The following NTHL1 variants were observed in gnomAD, a reference collection of about 807,000 sequenced individuals.
NTHL1 encodes nth like DNA glycosylase 1.
Under a neutral mutation model 32.3 loss-of-function variants are expected in NTHL1, and 32 were observed. The ratio of observed to expected loss-of-function variants is 0.99; its 90% CI spans 0.75 to 1.33. The LOEUF (loss-of-function observed/expected upper bound fraction) is 1.33. NTHL1 is among the 40% of genes most tolerant of loss of function. The pLI, the probability that NTHL1 is intolerant of heterozygous loss-of-function variation, is 0.00. For synonymous variants in NTHL1, 188 were observed against 176.9 expected, an observed-to-expected ratio of 1.06 and a Z score of -0.50; for missense variants, 501 against 414.1, an observed-to-expected ratio of 1.21 and a Z score of -1.82.
Position 2,040,035 on chromosome 16 carries a change from G to A in NTHL1, c.804C>T (p.His268=), listed in dbSNP as rs1596216112. Residue 268 remains histidine (H), a synonymous_variant, in exon 6 of 6, where the codon CAC becomes CAT. Transcript: ENST00000651570. ...AGCCCACCAAGAGTCCATTGATCTC[G>A]TGCCACAGCTCCCTGTGGGGGTGGG... ...LEEWLPRELW[H]EINGLLVGFG... The A allele has an allele frequency of 3.7e-6, 6 of 1,612,338 alleles. No homozygotes were observed. The highest frequency in any genetic ancestry group is 2.2e-5 in the East Asian group (1 of 44,874).
rs1188936333 is a variant in NTHL1, at chr16:2,044,803, G to A, written c.355-3C>T. On this transcript the variant is annotated splice_polypyrimidine_tract_variant and splice_region_variant and intron_variant, in intron 2 of 5. Transcript: ENST00000651570. This position sits in a 1 kb window ranked among gnomAD's most constrained non-coding sequence, Gnocchi z 5.0. ...AGCAGCACCTGGTACCTGCGTACCT[G>A]CTTGTGCAGTGACAGGGACCGGGGT... 1 of 1,598,964 alleles carries A rather than the reference G, an allele frequency of 6.3e-7. No homozygotes were observed. Among genetic ancestry groups the A allele is most frequent in the South Asian group, 1.1e-5 (1 of 89,872 alleles).
At chr16:2,047,361 G>A (rs1054187194) in intron 1 of NTHL1, 1 of 351,066 alleles carries the variant, frequency 2.8e-6, no homozygotes, top group Non-Finnish European at 5.2e-6. Flanking sequence ...GTGTGTCCTT[G>A]GCACCCAGCC....
rs370168754 is a variant in NTHL1, at chr16:2,044,161, AG to A, written c.526-436del. The A allele has an allele frequency of 3.1e-6, 1 of 324,014 alleles. No individual in the cohort carries two copies. Among genetic ancestry groups the A allele is most frequent in the Middle Eastern group, 1.0e-3 (1 of 986 alleles). The allele number at this position is 324,014 out of a possible 1,614,324, so 20.1% of individuals were successfully genotyped here. Reference sequence around the variant, plus strand: ...GAGAGGGCTATTTAAAACCCATCTGAGAAACTGCGGCCCACGCGGGTGCCAA... The same window carrying A: ...GAGAGGGCTATTTAAAACCCATCTGAAAACTGCGGCCCACGCGGGTGCCAA... On this transcript the variant is annotated intron_variant, in intron 3 of 5. Coordinates refer to ENST00000651570, the MANE Select transcript of NTHL1 (RefSeq NM_002528.7). The surrounding 1 kb of genome is among the most constrained non-coding windows in gnomAD (Gnocchi z 5.0).
Position 2,039,867 on chromosome 16 carries a change from T to C in NTHL1, c.*57A>G. On this transcript the variant is annotated 3_prime_UTR_variant, in exon 6 of 6. Coordinates refer to ENST00000651570, the MANE Select transcript of NTHL1 (RefSeq NM_002528.7). ...TCAACAGGCGTGGCTTCCTGAAGCG[T>C]AAAGCCACTTCACAGACGGTGGCCA... 4 of 1,595,550 alleles carry C rather than the reference T, an allele frequency of 2.5e-6. No individual in the cohort carries two copies. The highest frequency in any genetic ancestry group is 3.4e-6 in the Non-Finnish European group (4 of 1,178,342).
rs370814682 is a variant in NTHL1 at position 2,047,773 on chromosome 16, G to A, written c.51C>T (p.Pro17=). 21 of 1,587,856 alleles carry A rather than the reference G, an allele frequency of 1.3e-5. No individual in the cohort carries two copies. In the Admixed American group the frequency reaches 3.2e-4, roughly 24 times the overall value. ...CCCTACACCCCCGCGGCCCAGCCCC[G>A]GGTCCCAGGCTCCGGCTCCGGGTCA... ...RMLTRSRSLG[P]GAGPRGCREE... Residue 17 remains proline, a synonymous_variant, in exon 1 of 6, where the codon CCC becomes CCT. Coordinates refer to ENST00000651570, the MANE Select transcript of NTHL1 (RefSeq NM_002528.7).
At chr16:2,042,664 C>A (rs1199983456) in intron 4 of NTHL1, among the ~76,000 whole-genome samples, 1 of 152,138 alleles carries the variant, frequency 6.6e-6, no homozygotes, top group Non-Finnish European at 1.5e-5. Flanking sequence ...GAGGAGGCAG[C>A]CCCACCCCAA....
Position 2,044,100 on chromosome 16 carries a change from A to C in NTHL1, c.526-374T>G, listed in dbSNP as rs2084307661. 5.3e-6 allele frequency: 2 copies of C among 375,088 alleles called. No homozygotes were observed. Among genetic ancestry groups the C allele is most frequent in the South Asian group, 5.1e-5 (2 of 39,442 alleles). 23.2% of individuals were successfully genotyped at this position (375,088 alleles called of 1,614,324 possible). A position where few individuals can be genotyped will look rare whatever the true frequency, so the allele number is the denominator to read the frequency against. On this transcript the variant is annotated intron_variant, in intron 3 of 5. Transcript: ENST00000651570. This position sits in a 1 kb window ranked among gnomAD's most constrained non-coding sequence, Gnocchi z 5.0. ...AGCTGGGGCTTCCCCACCAGCTGCC[A>C]GGCCTGCCGGGTGGTTCCCATCCTG...
chr16:2,045,152 C>T (rs569429845), intron 2 of NTHL1, among the ~76,000 whole-genome samples: 7 of 152,196 alleles, frequency 4.6e-5, no homozygotes, highest in Admixed American at 3.9e-4. Context: ...GCCTGATCAA[C>T]GTGGTGAAAC....
intron 2 of NTHL1, 64 bp downstream of exon 2, chr16:2,046,064 T>C (rs2084356724): frequency 1.4e-6 from 2 of 1,420,470 alleles, no homozygotes; most frequent in Admixed American, 3.4e-5. Context: ...AGCCACCGGG[T>C]AGAAAGAAAA....
intron 2 of NTHL1, among the ~76,000 whole-genome samples, chr16:2,045,346 A>C (rs1596221081): frequency 6.6e-6 from 1 of 152,002 alleles, no homozygotes; most frequent in Non-Finnish European, 1.5e-5. Flanking sequence ...TCAAAAAAAA[A>C]CCCAACACGA....
chr16:2,046,116 G>A lies in NTHL1; in HGVS notation c.354+12C>T, dbSNP rs761262779. Reference sequence around the variant, plus strand: ...ATGGGGGGTCATCTGGGCAGATGGGGCCCCTGCCTACCTTTGGGGGGGCAC... The same window carrying A: ...ATGGGGGGTCATCTGGGCAGATGGGACCCCTGCCTACCTTTGGGGGGGCAC... On this transcript the variant is annotated intron_variant, in intron 2 of 5. Transcript: ENST00000651570. 2.5e-6 allele frequency: 4 copies of A among 1,605,626 alleles called. No homozygotes were observed. Among genetic ancestry groups the A allele is most frequent in the Non-Finnish European group, 3.4e-6 (4 of 1,173,528 alleles).
rs1274425099 is a variant in NTHL1, at chr16:2,044,697, A to G, written c.458T>C (p.Val153Ala). 4 of 1,612,220 alleles carry G rather than the reference A, an allele frequency of 2.5e-6. No homozygotes were observed. In the Admixed American group the frequency reaches 6.7e-5, roughly 27 times the overall value. The change falls in exon 3 of 6, where the codon GTG (valine) becomes GCG (alanine). Residue 153 changes from valine to alanine, a missense_variant. By Grantham distance (64) the Val-to-Ala change is moderately conservative (BLOSUM62 0). Coordinates refer to ENST00000651570, the MANE Select transcript of NTHL1 (RefSeq NM_002528.7). This position sits in a 1 kb window ranked among gnomAD's most constrained non-coding sequence, Gnocchi z 5.0. ...MQRLRARGLT[V>A]DSILQTDDAT... ...ATCATCTGTCTGCAGGATGCTGTCC[A>G]CCGTCAGGCCCCGCGCCCGCAGTCG...
rs2084307289 is a variant in NTHL1 at position 2,044,076 on chromosome 16, G to A, written c.526-350C>T. The A allele has an allele frequency of 2.5e-6, 1 of 393,326 alleles. No homozygotes were observed. The highest frequency in any genetic ancestry group is 2.5e-5 in the South Asian group (1 of 39,980). The allele number at this position is 393,326 out of a possible 1,614,324, so 24.4% of individuals were successfully genotyped here. On this transcript the variant is annotated intron_variant, in intron 3 of 5. Coordinates refer to ENST00000651570, the MANE Select transcript of NTHL1 (RefSeq NM_002528.7). This position sits in a 1 kb window ranked among gnomAD's most constrained non-coding sequence, Gnocchi z 5.0. ...TGCGCCTTCAGGAAGGAGGGCTGGA[G>A]CTGGGGCTTCCCCACCAGCTGCCAG...
At position 2,043,470 on chromosome 16, in the gene NTHL1, G is replaced by A. The variant is rs1289683899; in HGVS notation, c.685+97C>T. ...TTCTGACTCTATGGGCTGGGTGGAG[G>A]ACCAGCATGCTGGAAGTGGAGTCAC... On this transcript the variant is annotated intron_variant, in intron 4 of 5. Coordinates refer to ENST00000651570, the MANE Select transcript of NTHL1 (RefSeq NM_002528.7). The surrounding 1 kb of genome is among the most constrained non-coding windows in gnomAD (Gnocchi z 4.4). 3 of 1,519,524 alleles carry A rather than the reference G, an allele frequency of 2.0e-6. No homozygotes were observed. Among genetic ancestry groups the A allele is most frequent in the Admixed American group, 1.7e-5 (1 of 58,342 alleles). 94.1% of individuals were successfully genotyped at this position (1,519,524 alleles called of 1,614,324 possible).
intron 4 of NTHL1, among the ~76,000 whole-genome samples, chr16:2,040,849 G>A (rs2084258999): frequency 6.6e-6 from 1 of 152,196 alleles, no homozygotes; most frequent in Admixed American, 6.5e-5. Flanking sequence ...ATAAGCACTG[G>A]CTCTGGGCAC....
chr16:2,044,323 G>T lies in NTHL1; in HGVS notation c.525+307C>A, dbSNP rs546909056. Among the ~76,000 whole-genome samples, 1 of 152,190 alleles carries T rather than the reference G, an allele frequency of 6.6e-6. No homozygotes were observed. The highest frequency in any genetic ancestry group is 1.5e-5 in the Non-Finnish European group (1 of 68,028). ...TCTGGACAGGAGGGGGTGACACACC[G>T]GGAGAGGCTAGCAGTAAACAAAGGG... On this transcript the variant is annotated intron_variant, in intron 3 of 5. Coordinates refer to ENST00000651570, the MANE Select transcript of NTHL1 (RefSeq NM_002528.7). This position sits in a 1 kb window ranked among gnomAD's most constrained non-coding sequence, Gnocchi z 5.0.
chr16:2,043,693 T>C lies in NTHL1; in HGVS notation c.559A>G (p.Ile187Val). The change falls in exon 4 of 6, where the codon ATC becomes GTC. Residue 187 changes from isoleucine (I) to valine (V), a missense_variant. Physicochemically the swap from Ile to Val is conservative, Grantham distance 29. Transcript: ENST00000651570. The surrounding 1 kb of genome is among the most constrained non-coding windows in gnomAD (Gnocchi z 4.4). ...KVKYIKQTSA[I>V]LQQHYGGDIP... ...TCCCCACCGTAGTGCTGCTGCAGGA[T>C]GGCGCTGGTCTGCTTGATGTATTTC... is the stretch of plus-strand genomic sequence containing the variant. The C allele has an allele frequency of 6.2e-7, 1 of 1,612,200 alleles. No individual in the cohort carries two copies. The highest frequency in any genetic ancestry group is 8.5e-7 in the Non-Finnish European group (1 of 1,179,964).
chr16:2,043,667 G>A lies in NTHL1; in HGVS notation c.585C>T (p.Asp195=), dbSNP rs2150941343. Residue 195 remains aspartate (D), a synonymous_variant, in exon 4 of 6, where the codon GAC becomes GAT. Transcript: ENST00000651570. This position sits in a 1 kb window ranked among gnomAD's most constrained non-coding sequence, Gnocchi z 4.4. ...CCAGCTCGGCCACAGAGGCTGGGAT[G>A]TCCCCACCGTAGTGCTGCTGCAGGA... The part of the protein sequence containing the change: ...SAILQQHYGG[D]IPASVAELVA... 2 of 1,612,088 alleles carry A rather than the reference G, an allele frequency of 1.2e-6. No individual in the cohort carries two copies. Among genetic ancestry groups the A allele is most frequent in the Non-Finnish European group, 1.7e-6 (2 of 1,179,978 alleles).
chr16:2,042,776 C>CCTCCCTCCCCACCCTCCCCTCTT (rs2084286230), intron 4 of NTHL1, among the ~76,000 whole-genome samples: 1 of 128,408 alleles, frequency 7.8e-6, no homozygotes, highest in Non-Finnish European at 1.7e-5. Context: ...CCCCCCAGTG[C>CCTCCCTCCCCACCCTCCCCTCTT]CTCCCTCCCC....
Sources: allele counts gnomAD v4.1 joint callset (sites outside exome capture counted in the v4.1 genomes callset), GRCh38; gene constraint gnomAD v4.1.1; non-coding constraint Gnocchi (gnomAD v3.1); transcripts MANE v1.5; gene names NCBI Gene and HGNC (gene_info 2026-07-23, HGNC 2026-07-21).